Variants in CAMKK2 observed in about 807,000 individuals in gnomAD.
CAMKK2 encodes calcium/calmodulin dependent protein kinase kinase 2, also known as calcium/calmodulin-dependent protein kinase kinase 2.
In CAMKK2, 30 loss-of-function variants were observed where a neutral mutation model predicts 67.2. The observed-to-expected ratio is 0.45, with a 90% CI of 0.33 to 0.61. CAMKK2 has a LOEUF of 0.61. Ranked by LOEUF, CAMKK2 falls within the 20% of genes least tolerant of loss-of-function variation. CAMKK2 has a pLI of 0.02. For missense variants in CAMKK2, 643 were observed against 802.0 expected, an observed-to-expected ratio of 0.80 and a Z score of 2.39; for synonymous variants, 322 against 326.2, an observed-to-expected ratio of 0.99 and a Z score of 0.14.
rs1460170277 is a variant in CAMKK2, at chr12:121,253,312, G to C, written c.1068C>G (p.Pro356=). The C allele has an allele frequency of 6.2e-7, 1 of 1,614,226 alleles. No individual in the cohort carries two copies. The highest frequency in any genetic ancestry group is 1.1e-5 in the South Asian group (1 of 91,086). ...NTVGTPAFMA[P]ESLSETRKIF... is the part of the protein sequence containing the mutation. ...TCTTGCGGGTCTCAGAGAGCGACTC[G>C]GGTGCCATGAAGGCGGGCGTGCCCA... Residue 356 remains proline (P), a synonymous_variant, in exon 10 of 17, where the codon CCC becomes CCG. Coordinates refer to ENST00000404169, the MANE Select transcript of CAMKK2 (RefSeq NM_001270485.2). This position sits in a 1 kb window ranked among gnomAD's most constrained non-coding sequence, Gnocchi z 5.0.
At chr12:121,287,649 C>T (rs900364191) in intron 1 of CAMKK2, among the ~76,000 whole-genome samples, 3 of 152,156 alleles carry the variant, frequency 2.0e-5, no homozygotes, top group Non-Finnish European at 4.4e-5. Flanking sequence ...AAAGAATGGC[C>T]CCAGTCACGC....
At chr12:121,283,002 G>A (rs181717308) in intron 1 of CAMKK2, among the ~76,000 whole-genome samples, 31 of 152,198 alleles carry the variant, frequency 2.0e-4, no homozygotes, top group African/African-American at 5.8e-4. Flanking sequence ...TGATCCACCC[G>A]CCTCAGCCTC....
At chr12:121,254,168 T>G (rs12304301) in intron 9 of CAMKK2, among the ~76,000 whole-genome samples, 29,620 of 152,086 alleles carry the variant, frequency 0.19, 3,395 homozygotes, top group African/African-American at 0.29. Context: ...GGATAAGAGA[T>G]AACGTGGTGG....
chr12:121,240,726 C>A lies in CAMKK2; in HGVS notation c.1740G>T (p.Arg580=). 3 of 1,607,534 alleles carry A rather than the reference C, an allele frequency of 1.9e-6. No homozygotes were observed. The highest frequency in any genetic ancestry group is 2.5e-6 in the Non-Finnish European group (3 of 1,178,802). The change falls in exon 17 of 17, where the codon CGG becomes CGT. Residue 580 remains arginine, a synonymous_variant. Transcript: ENST00000404169. The surrounding 1 kb of genome is among the most constrained non-coding windows in gnomAD (Gnocchi z 4.4). ...PGSPARMHPL[R]PEEAMEPE ...ACTCGGGCTCCATGGCCTCCTCCGG[C>A]CGCAGTGGATGCATGCGTGCGGGGG...
chr12:121,262,722 C>G (rs1893718906), intron 6 of CAMKK2, among the ~76,000 whole-genome samples: 1 of 151,924 alleles, frequency 6.6e-6, no homozygotes, highest in Non-Finnish European at 1.5e-5. Flanking sequence ...CCATACCGGG[C>G]TAATTTTTTA....
At chr12:121,250,158 G>C in intron 11 of CAMKK2, 124 bp from the exon 12 acceptor site, 1 of 770,842 alleles carries the variant, frequency 1.3e-6, no homozygotes. Flanking sequence ...GCCCAGGCTA[G>C]GGGGCAAGCA....
chr12:121,286,015 T>C (rs1898673656), intron 1 of CAMKK2, among the ~76,000 whole-genome samples: 1 of 152,180 alleles, frequency 6.6e-6, no homozygotes, highest in Admixed American at 6.5e-5. Context: ...GGAAAAGAGC[T>C]GAGGTTGAAG....
chr12:121,278,506 C>T (rs977946378), intron 1 of CAMKK2, among the ~76,000 whole-genome samples: 16 of 152,304 alleles, frequency 1.1e-4, no homozygotes, highest in Non-Finnish European at 7.4e-5. Context: ...CCATAATTCC[C>T]GTGTGTTGTG....
intron 12 of CAMKK2, 26 bp from the exon 13 acceptor site, chr12:121,249,900 G>A (rs764048473): frequency 3.4e-5 from 55 of 1,612,274 alleles, no homozygotes; most frequent in Non-Finnish European, 4.5e-5. Context: ...CGTCAGGGTG[G>A]CAGACACGGG....
chr12:121,248,276 G>A (rs191788999), intron 14 of CAMKK2, among the ~76,000 whole-genome samples: 52 of 152,312 alleles, frequency 3.4e-4, no homozygotes, highest in African/African-American at 1.1e-3. Flanking sequence ...CCAGCTAGGC[G>A]GGAATCCTGG....
Position 121,253,588 on chromosome 12 carries a change from C to A in CAMKK2, c.908-116G>T. 1 of 865,624 alleles carries A rather than the reference C, an allele frequency of 1.2e-6. No individual in the cohort carries two copies. Among genetic ancestry groups the A allele is most frequent in the Non-Finnish European group, 1.9e-6 (1 of 526,612 alleles). 53.6% of individuals were successfully genotyped at this position (865,624 alleles called of 1,614,324 possible). ...GGCACCCCTCTGATGCCTTGTCTCC[C>A]ACAGCCCCAGGCCTTTTCCAACCTT... On this transcript the variant is annotated intron_variant, in intron 9 of 16. Coordinates refer to ENST00000404169, the MANE Select transcript of CAMKK2 (RefSeq NM_001270485.2). The surrounding 1 kb of genome is among the most constrained non-coding windows in gnomAD (Gnocchi z 5.0).
At position 121,252,166 on chromosome 12, in the gene CAMKK2, G is replaced by T. The variant is rs527529425; in HGVS notation, c.1161+495C>A. 2.0e-5 allele frequency among the ~76,000 whole-genome samples: 3 copies of T among 152,306 alleles called. No homozygotes were observed. The South Asian group carries it at 6.2e-4, about 32-fold the overall frequency. Reference sequence around the variant, plus strand: ...CTCTGCCAATCCTTCTGTTTTAACAGATCATTTTTTCATAGATATGATCAT... The same window carrying T: ...CTCTGCCAATCCTTCTGTTTTAACATATCATTTTTTCATAGATATGATCAT... On this transcript the variant is annotated intron_variant, in intron 11 of 16. Coordinates refer to ENST00000404169, the MANE Select transcript of CAMKK2 (RefSeq NM_001270485.2).
intron 1 of CAMKK2, among the ~76,000 whole-genome samples, chr12:121,279,300 CA>C (rs939256346): frequency 3.9e-5 from 6 of 152,184 alleles, no homozygotes; most frequent in African/African-American, 1.4e-4. Flanking sequence ...CCCCAGAGCT[CA>C]GCAGAGAGGA....
intron 16 of CAMKK2, chr12:121,244,163 G>A (rs1888937475): frequency 6.2e-7 from 1 of 1,605,278 alleles, no homozygotes; most frequent in Admixed American, 1.7e-5. Flanking sequence ...GTGGAGGCTG[G>A]AGAGCCCCTA....
At position 121,240,389 on chromosome 12, in the gene CAMKK2, A is replaced by C; in HGVS notation, c.*310T>G. On this transcript the variant is annotated 3_prime_UTR_variant, in exon 17 of 17. Coordinates refer to ENST00000404169, the MANE Select transcript of CAMKK2 (RefSeq NM_001270485.2). This position sits in a 1 kb window ranked among gnomAD's most constrained non-coding sequence, Gnocchi z 4.4. ...TATATCTGACGTGGTTCTGAAAATC[A>C]CAATGAAGGATTTTTGGCATAAAAA... 6.8e-7 allele frequency: 1 copy of C among 1,470,422 alleles called. No homozygotes were observed. The allele number at this position is 1,470,422 out of a possible 1,614,324, so 91.1% of individuals were successfully genotyped here.
At chr12:121,280,576 A>C (rs1480963380) in intron 1 of CAMKK2, among the ~76,000 whole-genome samples, 1 of 152,136 alleles carries the variant, frequency 6.6e-6, no homozygotes, top group African/African-American at 2.4e-5. Flanking sequence ...TTCAAAAGCA[A>C]ATGGGAGAAA....
At chr12:121,257,723 G>A (rs1892626086) in intron 7 of CAMKK2, among the ~76,000 whole-genome samples, 1 of 148,840 alleles carries the variant, frequency 6.7e-6, no homozygotes, top group Admixed American at 6.8e-5. Flanking sequence ...ATTTGCTATT[G>A]CTTCAGGCTG....
intron 1 of CAMKK2, among the ~76,000 whole-genome samples, chr12:121,279,322 C>T (rs1252624579): frequency 3.3e-5 from 5 of 152,200 alleles, no homozygotes; most frequent in African/African-American, 7.2e-5. Flanking sequence ...GCCCCAGGGA[C>T]GCAGGCCCTG....
chr12:121,289,628 C>T (rs192103613), intron 1 of CAMKK2, among the ~76,000 whole-genome samples: 1 of 152,330 alleles, frequency 6.6e-6, no homozygotes, highest in African/African-American at 2.4e-5. Context: ...AGCGATGGCT[C>T]ATGCCTGTAA....
Sources: allele counts gnomAD v4.1 joint callset (sites outside exome capture counted in the v4.1 genomes callset), GRCh38; gene constraint gnomAD v4.1.1; non-coding constraint Gnocchi (gnomAD v3.1); transcripts MANE v1.5; gene names NCBI Gene and HGNC (gene_info 2026-07-23, HGNC 2026-07-21).